Variants in IL17RD observed in about 807,000 individuals in gnomAD.
IL17RD encodes the protein interleukin 17 receptor D.
In IL17RD, 52 loss-of-function variants were observed where a neutral mutation model predicts 80.5. That is an observed-to-expected ratio of 0.65 (90% CI 0.52 to 0.81). The LOEUF is 0.81. Among genes scored for constraint, IL17RD ranks in the 40% least tolerant of loss-of-function variants. The pLI, the probability that IL17RD is intolerant of heterozygous loss-of-function variation, is 0.00. For synonymous variants in IL17RD, 416 were observed against 391.8 expected (o/e 1.06, Z -0.73); for missense variants, 1,024 against 955.1 (o/e 1.07, Z -0.95).
chr3:57,169,542 C>T (rs1437700217), upstream of IL17RD: 1 of 199,786 alleles, frequency 5.0e-6, no homozygotes, highest in Admixed American at 6.3e-5. Flanking sequence ...TCCCGTGAAA[C>T]ATAAAAAAAG....
chr3:57,109,092 C>T (rs1236143083), intron 5 of IL17RD, among the ~76,000 whole-genome samples: 1 of 152,122 alleles, frequency 6.6e-6, no homozygotes, highest in Non-Finnish European at 1.5e-5. Flanking sequence ...TTTCTGGATG[C>T]TTTTCTCCTT....
Position 57,101,287 on chromosome 3 carries a change from G to A in IL17RD, c.1056C>T (p.Leu352=). Residue 352 remains leucine, a synonymous_variant, in exon 11 of 13, where the codon CTC becomes CTT. Coordinates refer to ENST00000296318, the MANE Select transcript of IL17RD (RefSeq NM_017563.5). ...TYTAALPRER[L]RPRPKVFLCY... Reference sequence around the variant, plus strand: ...AGAGAAAGACCTTCGGCCGCGGCCGGAGCCTCTCTCTTGGGAGTGCTGCAG... The same window carrying A: ...AGAGAAAGACCTTCGGCCGCGGCCGAAGCCTCTCTCTTGGGAGTGCTGCAG... 1 of 1,613,046 alleles carries A rather than the reference G, an allele frequency of 6.2e-7. No individual in the cohort carries two copies. The highest frequency in any genetic ancestry group is 8.5e-7 in the Non-Finnish European group (1 of 1,179,110).
intron 2 of IL17RD, among the ~76,000 whole-genome samples, chr3:57,117,654 C>A (rs1579280031): frequency 6.6e-6 from 1 of 152,130 alleles, no homozygotes; most frequent in Admixed American, 6.5e-5. Context: ...TTATTTCAAA[C>A]AAGTTATTTC....
rs1175575725 is a variant in IL17RD, at chr3:57,098,141, G to A, written c.1562C>T (p.Pro521Leu). The A allele has an allele frequency of 3.7e-6, 6 of 1,613,988 alleles. No homozygotes were observed. The highest frequency in any genetic ancestry group is 4.5e-5 in the East Asian group (2 of 44,874). The change falls in exon 12 of 13, where the codon CCG (proline) becomes CTG (leucine). Residue 521 changes from proline to leucine, a missense_variant. Physicochemically the swap from Pro to Leu is moderately conservative, Grantham distance 98. Transcript: ENST00000296318. ...LHSRDHGLQE[P>L]GQHTRQGSRR... Reference sequence around the variant, plus strand: ...GCTGCCCTGTCGCGTGTGCTGCCCCGGCTCCTGGAGGCCGTGGTCTCGGGA... The same window carrying A: ...GCTGCCCTGTCGCGTGTGCTGCCCCAGCTCCTGGAGGCCGTGGTCTCGGGA...
intron 11 of IL17RD, among the ~76,000 whole-genome samples, chr3:57,098,897 C>T (rs1559465779): frequency 6.6e-6 from 1 of 152,194 alleles, no homozygotes; most frequent in East Asian, 1.9e-4. Flanking sequence ...GTAGAGAGCA[C>T]AGGACAGAGA....
intron 11 of IL17RD, among the ~76,000 whole-genome samples, chr3:57,100,189 A>G (rs551834226): frequency 6.6e-6 from 1 of 152,348 alleles, no homozygotes; most frequent in Admixed American, 6.5e-5. Context: ...ACTGTGTGCC[A>G]TTGGCTAGAG....
intron 1 of IL17RD, among the ~76,000 whole-genome samples, chr3:57,158,320 C>T (rs2060281907): frequency 6.6e-6 from 1 of 152,300 alleles, no homozygotes; most frequent in South Asian, 2.1e-4. Context: ...ATCTACTGCC[C>T]TTTCAAGTCT....
chr3:57,108,852 G>A (rs113557373), intron 5 of IL17RD, among the ~76,000 whole-genome samples: 3 of 151,976 alleles, frequency 2.0e-5, no homozygotes, highest in East Asian at 3.9e-4. Flanking sequence ...GTCTTGCTAT[G>A]TTGCCCAGGC....
At chr3:57,106,226 T>TAACAAAA in intron 5 of IL17RD, 72 bp from the exon 6 acceptor site, 1 of 1,120,918 alleles carries the variant, frequency 8.9e-7, no homozygotes, top group Non-Finnish European at 1.3e-6. Context: ...AACAACCCAA[T>TAACAAAA]GAAATATAAA....
At chr3:57,103,321 G>A (rs907487125) in intron 8 of IL17RD, among the ~76,000 whole-genome samples, 176 bp from the exon 9 acceptor site, 17 of 152,340 alleles carry the variant, frequency 1.1e-4, no homozygotes, top group South Asian at 1.0e-3. Flanking sequence ...TAGGCATCAT[G>A]TGTACTCAGG....
intron 1 of IL17RD, among the ~76,000 whole-genome samples, chr3:57,141,871 G>A (rs1395007086): frequency 3.3e-5 from 5 of 152,118 alleles, no homozygotes; most frequent in East Asian, 1.9e-4. Flanking sequence ...GTCTTCCACC[G>A]CAGGCCTTGG....
intron 5 of IL17RD, among the ~76,000 whole-genome samples, chr3:57,108,217 AC>A (rs1167326861): frequency 1.3e-5 from 2 of 151,614 alleles, no homozygotes; most frequent in Non-Finnish European, 2.9e-5. Flanking sequence ...ATGCCACCAC[AC>A]CCGGCTAATT....
intron 1 of IL17RD, among the ~76,000 whole-genome samples, chr3:57,141,837 T>C (rs1475857298): frequency 6.6e-6 from 1 of 152,052 alleles, no homozygotes; most frequent in African/African-American, 2.4e-5. Flanking sequence ...ACAAACACTA[T>C]CTGATAAGGA....
intron 1 of IL17RD, among the ~76,000 whole-genome samples, chr3:57,152,768 T>A (rs1443140616): frequency 6.6e-6 from 1 of 152,194 alleles, no homozygotes; most frequent in Admixed American, 6.5e-5. Context: ...CGGACTCTAA[T>A]AAAATAATGT....
At position 57,102,478 on chromosome 3, in the gene IL17RD, C is replaced by T; in HGVS notation, c.979+1G>A. On this transcript the variant is annotated splice_donor_variant, in intron 10 of 12. Transcript: ENST00000296318. LOFTEE classifies it high-confidence loss of function. ...GGGAGACACAGCACACAAAGAGATA[C>T]CTTGTTGCTTCTTGCGGCACATCAC... The T allele has an allele frequency of 6.6e-7, 1 of 1,526,124 alleles. No homozygotes were observed. The highest frequency in any genetic ancestry group is 9.0e-7 in the Non-Finnish European group (1 of 1,114,004). The allele number at this position is 1,526,124 out of a possible 1,614,324, so 94.5% of individuals were successfully genotyped here. A position where few individuals can be genotyped will look rare whatever the true frequency, so the allele number is the denominator to read the frequency against.
intron 1 of IL17RD, among the ~76,000 whole-genome samples, chr3:57,145,464 G>A (rs1198228999): frequency 1.3e-5 from 2 of 152,156 alleles, no homozygotes; most frequent in Non-Finnish European, 2.9e-5. Context: ...AGAGCCGACA[G>A]GCCACATTTT....
intron 1 of IL17RD, among the ~76,000 whole-genome samples, chr3:57,136,346 A>T (rs1707724528): frequency 6.6e-6 from 1 of 152,222 alleles, no homozygotes; most frequent in Non-Finnish European, 1.5e-5. Flanking sequence ...CCTCAAAAAC[A>T]GCCTGGCCAG....
chr3:57,132,239 G>A (rs1707625449), intron 1 of IL17RD, among the ~76,000 whole-genome samples: 2 of 152,012 alleles, frequency 1.3e-5, no homozygotes, highest in South Asian at 2.1e-4. Flanking sequence ...TTGGGAGGCC[G>A]AAGTTGGGGG....
Position 57,110,321 on chromosome 3 carries a change from G to A in IL17RD, c.311-10C>T, listed in dbSNP as rs1193143601. On this transcript the variant is annotated splice_polypyrimidine_tract_variant and intron_variant, in intron 3 of 12. Coordinates refer to ENST00000296318, the MANE Select transcript of IL17RD (RefSeq NM_017563.5). ...TTCAGGAATTCGATGCCTAAGCAAA[G>A]CAGAATGCTTTTATTAATAGTGAAC... The A allele has an allele frequency of 6.3e-7, 1 of 1,579,762 alleles. No individual in the cohort carries two copies. The highest frequency in any genetic ancestry group is 1.8e-5 in the Admixed American group (1 of 54,962).
Sources: gnomAD v4.1 joint callset for allele counts (sites outside exome capture counted in the v4.1 genomes callset) on GRCh38, gnomAD v4.1.1 for gene constraint, MANE v1.5 for transcripts, NCBI Gene and HGNC (gene_info 2026-07-23, HGNC 2026-07-21) for gene names.